GUSB: variants seen among roughly 807,000 people sequenced by gnomAD.
The protein encoded by GUSB is beta-glucuronidase.
A neutral mutation model predicts 74.6 loss-of-function variants in GUSB; 51 were observed. The ratio of observed to expected loss-of-function variants is 0.68; its 90% CI spans 0.55 to 0.86. GUSB has a LOEUF of 0.86. Ranked by LOEUF, GUSB falls within the 40% of genes least tolerant of loss-of-function variation. GUSB has a pLI of 0.00. For missense variants in GUSB, 736 were observed against 853.7 expected (o/e 0.86, Z 1.72); for synonymous variants, 360 against 348.3 (o/e 1.03, Z -0.37).
intron 4 of GUSB, among the ~76,000 whole-genome samples, chr7:65,977,447 T>C (rs896422675): frequency 6.6e-6 from 1 of 152,194 alleles, no homozygotes; most frequent in East Asian, 1.9e-4. Context: ...CAGGCTGTTC[T>C]AAACTTAACT....
intron 8 of GUSB, 79 bp downstream of exon 8, chr7:65,974,216 A>C: frequency 7.0e-7 from 1 of 1,421,642 alleles, no homozygotes; most frequent in Non-Finnish European, 9.9e-7. Flanking sequence ...CCGATCTTGA[A>C]CAGCACATGC....
Position 65,960,720 on chromosome 7 carries a change from C to A in GUSB, c.*177G>T. The A allele has an allele frequency of 1.6e-6, 1 of 635,268 alleles. No individual in the cohort carries two copies. The highest frequency in any genetic ancestry group is 1.8e-5 in the South Asian group (1 of 54,748). The allele number at this position is 635,268 out of a possible 1,614,324, so 39.4% of individuals were successfully genotyped here. On this transcript the variant is annotated 3_prime_UTR_variant, in exon 12 of 12. Coordinates refer to ENST00000304895, the MANE Select transcript of GUSB (RefSeq NM_000181.4). ...CACTTTCATGCCAACTCTTTATTTC[C>A]ATAATAGAAAATCTTTTATTTCCAC...
At chr7:65,962,851 A>G (rs1398620654) in intron 11 of GUSB, among the ~76,000 whole-genome samples, 1 of 149,508 alleles carries the variant, frequency 6.7e-6, no homozygotes, top group East Asian at 2.0e-4. Flanking sequence ...CAGCCTGGGA[A>G]ACGAGCAAAA....
chr7:65,974,922 CG>C lies in GUSB; in HGVS notation c.1061del (p.Ala354GlyfsTer14). 1 of 1,613,682 alleles carries C rather than the reference CG, an allele frequency of 6.2e-7. No individual in the cohort carries two copies. The highest frequency in any genetic ancestry group is 8.5e-7 in the Non-Finnish European group (1 of 1,179,814). On this transcript the variant is annotated frameshift_variant, in exon 6 of 12. Coordinates refer to ENST00000304895, the MANE Select transcript of GUSB (RefSeq NM_000181.4). LOFTEE classifies it high-confidence loss of function. The stretch of plus-strand genomic sequence containing the variant: ...GGACCCAGGAGCCCCAACACACGTC[CG>C]CATCCTCATGCTTGTTGACACCGTG... ...YFHGVNKHED[A>X]DIRGKGFDWP...
At chr7:65,964,020 T>C (rs549986044) in intron 11 of GUSB, 104 of 424,568 alleles carry the variant, frequency 2.4e-4, no homozygotes, top group African/African-American at 1.9e-3. Flanking sequence ...TGAGGTCCCG[T>C]TTTTCGTTCC....
chr7:65,972,178 G>T (rs1308000675), intron 8 of GUSB, among the ~76,000 whole-genome samples: 2 of 151,850 alleles, frequency 1.3e-5, no homozygotes. Flanking sequence ...TTGTTTTTTT[G>T]AGAGACAGAA....
intron 4 of GUSB, among the ~76,000 whole-genome samples, chr7:65,978,284 C>G (rs572867556): frequency 2.4e-4 from 36 of 152,098 alleles, no homozygotes; most frequent in African/African-American, 8.4e-4. Context: ...CCCATCTCTA[C>G]TAAAAATACA....
chr7:65,962,549 G>A (rs1790565474), intron 11 of GUSB, among the ~76,000 whole-genome samples: 1 of 152,272 alleles, frequency 6.6e-6, no homozygotes, highest in Middle Eastern at 3.4e-3. Flanking sequence ...CTTGCCCAAC[G>A]TGATGCAGCT....
chr7:65,976,277 C>T, intron 4 of GUSB, 75 bp from the exon 5 acceptor site: 3 of 985,472 alleles, frequency 3.0e-6, no homozygotes, highest in Non-Finnish European at 3.2e-6. Context: ...GCCCTGCAGC[C>T]ACCGCTGCCA....
chr7:65,981,941 C>T (rs1792056554), intron 1 of GUSB, 33 bp downstream of exon 1: 2 of 1,572,458 alleles, frequency 1.3e-6, no homozygotes, highest in Non-Finnish European at 1.7e-6. Context: ...GCCGGGCTTT[C>T]GGGCGCCTCC....
intron 4 of GUSB, 98 bp downstream of exon 4, chr7:65,979,301 G>C (rs906134): frequency 0.11 from 133,742 of 1,176,926 alleles, 8,908 homozygotes; most frequent in Middle Eastern, 0.22. Context: ...AGGGTGTAGA[G>C]ATGCTGGGAG....
At chr7:65,971,639 G>A (rs1482504245) in intron 8 of GUSB, among the ~76,000 whole-genome samples, 2 of 151,930 alleles carry the variant, frequency 1.3e-5, no homozygotes, top group African/African-American at 2.4e-5. Context: ...GGCTGAGGCA[G>A]AAGAATTGCC....
intron 4 of GUSB, among the ~76,000 whole-genome samples, chr7:65,978,373 G>A (rs765386859): frequency 2.2e-4 from 33 of 152,140 alleles, no homozygotes; most frequent in Admixed American, 3.9e-4. Flanking sequence ...GTTTGAACCC[G>A]GGAGGCGGAG....
At chr7:65,965,855 C>A (rs1790796190) in intron 10 of GUSB, among the ~76,000 whole-genome samples, 2 of 152,266 alleles carry the variant, frequency 1.3e-5, no homozygotes, top group Middle Eastern at 3.4e-3. Flanking sequence ...CTGACCTAGA[C>A]CCTCTCAAGA....
chr7:65,975,018 G>C lies in GUSB; in HGVS notation c.966C>G (p.Leu322=), dbSNP rs764537946. The part of the protein sequence containing the change: ...SLGPVSDFYT[L]PVGIRTVAVT... ...CAGCCACAGTGCGGATCCCCACAGG[G>C]AGTGTGTAGAAGTCAGACACAGGCC... The change falls in exon 6 of 12, where the codon CTC becomes CTG. Residue 322 remains leucine (L), a synonymous_variant. Transcript: ENST00000304895. The C allele has an allele frequency of 6.2e-7, 1 of 1,613,314 alleles. No individual in the cohort carries two copies. Among genetic ancestry groups the C allele is most frequent in the South Asian group, 1.1e-5 (1 of 91,064 alleles).
In GUSB at chr7:65,971,751, T is replaced by G. The variant is rs572816934; in HGVS notation, c.1392-1385A>C. Reference sequence around the variant, plus strand: ...ATCTTGCGGAAAAAAAAAAAAAAATTTAAACTTAGCCTGACATGGCCGCAC... The same window carrying G: ...ATCTTGCGGAAAAAAAAAAAAAAATGTAAACTTAGCCTGACATGGCCGCAC... On this transcript the variant is annotated intron_variant, in intron 8 of 11. Transcript: ENST00000304895. 8.0e-5 allele frequency among the ~76,000 whole-genome samples: 12 copies of G among 149,426 alleles called. No homozygotes were observed. In the South Asian group the frequency reaches 2.5e-3, roughly 32 times the overall value.
intron 4 of GUSB, among the ~76,000 whole-genome samples, chr7:65,979,048 C>A (rs1002061277): frequency 1.3e-5 from 2 of 152,058 alleles, no homozygotes; most frequent in South Asian, 2.1e-4. Flanking sequence ...GGATGACAGG[C>A]ATAAGCCACC....
In GUSB at chr7:65,982,161, G is replaced by T; in HGVS notation, c.23C>A (p.Ala8Asp). Residue 8 changes from alanine to aspartate, a missense_variant, in exon 1 of 12, where the codon GCC becomes GAC. This residue lies in a region of GUSB where 368 missense variants were observed against 363.8 expected (regional missense o/e 1.01). Transcript: ENST00000304895. ...CAACAACGGCCCGAGCGCCGCCCAG[G>T]CAACCGCCGACCCCCGGGCCATGCT... is the stretch of plus-strand genomic sequence containing the variant. MARGSAV[A>D]WAALGPLLWG... is the part of the protein sequence containing the mutation. 1 of 1,520,166 alleles carries T rather than the reference G, an allele frequency of 6.6e-7. No homozygotes were observed. Among genetic ancestry groups the T allele is most frequent in the Middle Eastern group, 1.8e-4 (1 of 5,456 alleles). 94.2% of individuals were successfully genotyped at this position (1,520,166 alleles called of 1,614,324 possible). A position where few individuals can be genotyped will look rare whatever the true frequency, so the allele number is the denominator to read the frequency against.
chr7:65,976,308 G>A, intron 4 of GUSB, 106 bp from the exon 5 acceptor site: 1 of 770,542 alleles, frequency 1.3e-6, no homozygotes, highest in Non-Finnish European at 2.2e-6. Flanking sequence ...TGTTTCTGTT[G>A]CTTTTTTTAA....
Sources: gnomAD v4.1 joint callset for allele counts (sites outside exome capture counted in the v4.1 genomes callset) on GRCh38, gnomAD v4.1.1 for gene constraint, gnomAD v4.1.1 regional missense constraint, MANE v1.5 for transcripts, NCBI Gene and HGNC (gene_info 2026-07-23, HGNC 2026-07-21) for gene names.